Variants in FAM149B1 observed in about 807,000 individuals in gnomAD.
The protein encoded by FAM149B1 is family with sequence similarity 149 member B1.
In FAM149B1, 56 loss-of-function variants were observed where a neutral mutation model predicts 75.3. The observed-to-expected ratio is 0.74, with a 90% CI of 0.60 to 0.93. FAM149B1 has a LOEUF of 0.93. Among genes scored for constraint, FAM149B1 ranks in the 40% least tolerant of loss-of-function variants. The probability of loss-of-function intolerance (pLI) is 0.00; values close to 1 mark genes in which losing one functional copy is unlikely to be tolerated. For missense variants in FAM149B1, 639 were observed against 708.4 expected (o/e 0.90, Z 1.11); for synonymous variants, 259 against 256.1 (o/e 1.01, Z -0.11).
intron 5 of FAM149B1, among the ~76,000 whole-genome samples, chr10:73,206,334 T>C (rs1209115028): frequency 6.6e-6 from 1 of 152,182 alleles, no homozygotes; most frequent in African/African-American, 2.4e-5. Flanking sequence ...AAGAAATGAC[T>C]TAAAGTTGGA....
chr10:73,212,777 CAT>C (rs1564702872), intron 7 of FAM149B1, among the ~76,000 whole-genome samples: 1 of 151,958 alleles, frequency 6.6e-6, no homozygotes, highest in Admixed American at 6.6e-5. Flanking sequence ...AGTCGTTTTT[CAT>C]GTTTGTTGGA....
chr10:73,229,846 C>T (rs1384101541), intron 8 of FAM149B1, among the ~76,000 whole-genome samples: 1 of 152,114 alleles, frequency 6.6e-6, no homozygotes, highest in Non-Finnish European at 1.5e-5. Context: ...GAGCTGATGA[C>T]CTGAGAAAAC....
chr10:73,196,703 G>A (rs987680028), intron 5 of FAM149B1, among the ~76,000 whole-genome samples: 6 of 151,960 alleles, frequency 3.9e-5, no homozygotes, highest in African/African-American at 1.2e-4. Context: ...ACTTTCAGTA[G>A]CTTTCCACTG....
intron 1 of FAM149B1, 25 bp from the exon 2 acceptor site, chr10:73,174,662 T>TATA: frequency 2.1e-6 from 3 of 1,457,322 alleles, no homozygotes; most frequent in Non-Finnish European, 2.8e-6. Context: ...ATACAGGAAA[T>TATA]ATAACTTTGT....
chr10:73,235,402 T>C (rs1348646857), intron 12 of FAM149B1, 84 bp downstream of exon 12: 1 of 1,530,786 alleles, frequency 6.5e-7, no homozygotes, highest in Non-Finnish European at 8.8e-7. Context: ...GACTTAAGAT[T>C]TTATCTAGAG....
At chr10:73,239,021 GAACT>G (rs573244057) in intron 12 of FAM149B1, 19 of 274,602 alleles carry the variant, frequency 6.9e-5, no homozygotes, top group Admixed American at 9.8e-5. Flanking sequence ...AACCCCCTTA[GAACT>G]AACTGAAATA....
At chr10:73,199,363 G>A (rs1042051072) in intron 5 of FAM149B1, among the ~76,000 whole-genome samples, 6 of 150,762 alleles carry the variant, frequency 4.0e-5, no homozygotes, top group Admixed American at 2.0e-4. Context: ...GACTACAGGC[G>A]CCCACCACCA....
chr10:73,231,747 G>A (rs2133402709), intron 9 of FAM149B1, among the ~76,000 whole-genome samples: 1 of 152,312 alleles, frequency 6.6e-6, no homozygotes, highest in African/African-American at 2.4e-5. Flanking sequence ...TCTGGGGTGT[G>A]TTTACAGTGA....
chr10:73,227,893 G>A (rs1038078741), intron 7 of FAM149B1, among the ~76,000 whole-genome samples, 167 bp from the exon 8 acceptor site: 48 of 152,182 alleles, frequency 3.2e-4, no homozygotes, highest in African/African-American at 1.1e-3. Context: ...AACTAGTCTT[G>A]GTTTGAGGGG....
intron 13 of FAM149B1, among the ~76,000 whole-genome samples, chr10:73,240,571 G>A (rs567669417): frequency 1.3e-5 from 2 of 152,208 alleles, no homozygotes; most frequent in South Asian, 4.2e-4. Context: ...AATTAGCCGG[G>A]TGTGGTGGCA....
intron 9 of FAM149B1, 79 bp downstream of exon 9, chr10:73,230,604 T>C (rs1189446523): frequency 1.3e-6 from 1 of 792,686 alleles, no homozygotes; most frequent in East Asian, 2.7e-5. Flanking sequence ...TCAGTATGCA[T>C]GTATTGAGTG....
At chr10:73,201,115 G>C (rs1474727481) in intron 5 of FAM149B1, 1 of 278,248 alleles carries the variant, frequency 3.6e-6, no homozygotes. Context: ...GGTAGAAAAG[G>C]TGTGGCTAAA....
intron 5 of FAM149B1, among the ~76,000 whole-genome samples, chr10:73,203,385 G>C (rs2042982762): frequency 6.6e-6 from 1 of 152,136 alleles, no homozygotes; most frequent in African/African-American, 2.4e-5. Flanking sequence ...TAGAAAAGAA[G>C]GAGAGAATGG....
chr10:73,241,919 C>A lies in FAM149B1; in HGVS notation c.*900C>A, dbSNP rs536743844. On this transcript the variant is annotated 3_prime_UTR_variant, in exon 14 of 14. Transcript: ENST00000242505. ...TTCAGCTTTCTGATTTTACTGTGGA[C>A]CTTTTCCTAAGGGCATTCATGAATG... is the stretch of plus-strand genomic sequence containing the variant. 6.6e-6 allele frequency: 1 copy of A among 152,252 alleles called. No individual in the cohort carries two copies. The highest frequency in any genetic ancestry group is 1.9e-4 in the East Asian group (1 of 5,182). The allele number at this position is 152,252 out of a possible 1,614,324, so 9.4% of individuals were successfully genotyped here.
intron 5 of FAM149B1, among the ~76,000 whole-genome samples, chr10:73,194,431 C>T (rs747566304): frequency 8.5e-5 from 13 of 152,126 alleles, no homozygotes; most frequent in African/African-American, 1.4e-4. Context: ...CTTGCTGTCT[C>T]GCCCAGGCTG....
Position 73,210,581 on chromosome 10 carries a change from T to C in FAM149B1, c.898+143T>C, listed in dbSNP as rs147253332. 6.8e-4 allele frequency: 368 copies of C among 543,478 alleles called. 4 individuals carry two copies. Among genetic ancestry groups the C allele is most frequent in the African/African-American group, 6.4e-3 (326 of 51,242 alleles). 33.7% of individuals were successfully genotyped at this position (543,478 alleles called of 1,614,324 possible). On this transcript the variant is annotated intron_variant, in intron 7 of 13. Coordinates refer to ENST00000242505, the MANE Select transcript of FAM149B1 (RefSeq NM_173348.2). The stretch of plus-strand genomic sequence containing the variant: ...GCTTATGCCTATAATCCAAACACTT[T>C]GGGAGGCCAAGGGGAAGGATCTCTT...
At position 73,241,661 on chromosome 10, in the gene FAM149B1, C is replaced by T. The variant is rs1307971099; in HGVS notation, c.*642C>T. 6.6e-6 allele frequency: 1 copy of T among 152,280 alleles called. No individual in the cohort carries two copies. The highest frequency in any genetic ancestry group is 1.5e-5 in the Non-Finnish European group (1 of 68,122). The allele number at this position is 152,280 out of a possible 1,614,324, so 9.4% of individuals were successfully genotyped here. ...GGACAGCTCAACCTTACGATGCCTA[C>T]CTGATGCCAGGTGATGCTTATTTTC... is the stretch of plus-strand genomic sequence containing the variant. On this transcript the variant is annotated 3_prime_UTR_variant, in exon 14 of 14. Coordinates refer to ENST00000242505, the MANE Select transcript of FAM149B1 (RefSeq NM_173348.2).
intron 6 of FAM149B1, among the ~76,000 whole-genome samples, chr10:73,209,540 CTATT>C (rs2043142787): frequency 6.6e-6 from 1 of 152,172 alleles, no homozygotes; most frequent in Non-Finnish European, 1.5e-5. Context: ...TTAATAATGT[CTATT>C]TATATCTATT....
At chr10:73,201,924 G>A (rs1373228381) in intron 5 of FAM149B1, among the ~76,000 whole-genome samples, 1 of 152,146 alleles carries the variant, frequency 6.6e-6, no homozygotes, top group East Asian at 1.9e-4. Flanking sequence ...CAGCACTTTG[G>A]GAGGGTGAGA....
Sources: gnomAD v4.1 joint callset for allele counts (sites outside exome capture counted in the v4.1 genomes callset) on GRCh38, gnomAD v4.1.1 for gene constraint, MANE v1.5 for transcripts, NCBI Gene and HGNC (gene_info 2026-07-23, HGNC 2026-07-21) for gene names.